RCAN1: variants seen among roughly 807,000 people sequenced by gnomAD.
RCAN1 encodes regulator of calcineurin 1.
In RCAN1, 11 loss-of-function variants were observed where a neutral mutation model predicts 22.9. That is an observed-to-expected ratio of 0.48 (90% CI 0.30 to 0.79). The LOEUF is 0.79. RCAN1 is among the 30% of genes least tolerant of loss of function. The probability of loss-of-function intolerance (pLI) is 0.06; values close to 1 mark genes in which losing one functional copy is unlikely to be tolerated. For synonymous variants in RCAN1, 136 were observed against 142.3 expected (o/e 0.96, Z 0.32); for missense variants, 291 against 337.8 (o/e 0.86, Z 1.09).
chr21:34,523,776 T>C (rs1341015426), intron 1 of RCAN1, 66 bp from the exon 2 acceptor site: 9 of 1,323,936 alleles, frequency 6.8e-6, no homozygotes, highest in Non-Finnish European at 8.4e-6. Flanking sequence ...GACTAGATGA[T>C]GTCATTACTT....
intron 1 of RCAN1, among the ~76,000 whole-genome samples, chr21:34,612,800 A>T (rs1465747290): frequency 1.3e-5 from 2 of 152,166 alleles, no homozygotes; most frequent in Non-Finnish European, 2.9e-5. Flanking sequence ...GCTGTTGCTC[A>T]TGGCTGCAGG....
chr21:34,532,047 G>A (rs991217104), intron 1 of RCAN1, among the ~76,000 whole-genome samples: 2 of 152,078 alleles, frequency 1.3e-5, no homozygotes, highest in South Asian at 2.1e-4. Flanking sequence ...GCTCAACTCC[G>A]AATACAGCAT....
intron 1 of RCAN1, among the ~76,000 whole-genome samples, chr21:34,569,577 C>T (rs1437979008): frequency 6.6e-6 from 1 of 152,052 alleles, no homozygotes; most frequent in East Asian, 1.9e-4. Flanking sequence ...GGAGTCACTG[C>T]CAGAGGCTAA....
intron 3 of RCAN1, among the ~76,000 whole-genome samples, chr21:34,520,138 C>G (rs1220323297): frequency 6.6e-6 from 1 of 152,198 alleles, no homozygotes; most frequent in East Asian, 1.9e-4. Context: ...AAATCTCACT[C>G]AAGCTCACTG....
At chr21:34,554,969 T>C (rs9985052) in intron 1 of RCAN1, among the ~76,000 whole-genome samples, 2,022 of 152,274 alleles carry the variant, frequency 0.013, 53 homozygotes, top group African/African-American at 0.045. Flanking sequence ...GATTCAATTA[T>C]CTCCCACTGG....
At position 34,517,191 on chromosome 21, in the gene RCAN1, C is replaced by T. The variant is rs1984101829; in HGVS notation, c.*893G>A. 1 of 152,230 alleles carries T rather than the reference C, an allele frequency of 6.6e-6. No homozygotes were observed. Among genetic ancestry groups the T allele is most frequent in the Non-Finnish European group, 1.5e-5 (1 of 68,040 alleles). The allele number at this position is 152,230 out of a possible 1,614,324, so 9.4% of individuals were successfully genotyped here. The stretch of plus-strand genomic sequence containing the variant: ...TCCAAAAAAGTTTTTGGCTATGATT[C>T]ATGTATAGAAACCACCACATAAAAG... On this transcript the variant is annotated 3_prime_UTR_variant, in exon 4 of 4. Transcript: ENST00000313806.
Position 34,614,746 on chromosome 21 carries a change from G to A in RCAN1, c.252+14C>T. On this transcript the variant is annotated intron_variant, in intron 1 of 3. Transcript: ENST00000313806. This position sits in a 1 kb window ranked among gnomAD's most constrained non-coding sequence, Gnocchi z 6.0. Reference sequence around the variant, plus strand: ...CGCCCTCCGCCCCGACGGCCCGCCCGGCGCGGTCCTCACCCGGCACAGGCC... The same window carrying A: ...CGCCCTCCGCCCCGACGGCCCGCCCAGCGCGGTCCTCACCCGGCACAGGCC... 1 of 1,411,818 alleles carries A rather than the reference G, an allele frequency of 7.1e-7. No homozygotes were observed. The highest frequency in any genetic ancestry group is 9.3e-7 in the Non-Finnish European group (1 of 1,076,344). 87.5% of individuals were successfully genotyped at this position (1,411,818 alleles called of 1,614,324 possible).
intron 1 of RCAN1, among the ~76,000 whole-genome samples, chr21:34,580,964 G>A (rs543519621): frequency 6.6e-6 from 1 of 152,174 alleles, no homozygotes; most frequent in African/African-American, 2.4e-5. Context: ...GGGGTGAGAA[G>A]GAAGAAGAGA....
chr21:34,560,707 T>C (rs1986757728), intron 1 of RCAN1, among the ~76,000 whole-genome samples: 2 of 152,076 alleles, frequency 1.3e-5, no homozygotes, highest in Non-Finnish European at 2.9e-5. Context: ...GTGTGAAAAA[T>C]TGGAAATATT....
intron 1 of RCAN1, chr21:34,559,903 A>C (rs1201186266): frequency 6.6e-6 from 1 of 152,122 alleles, no homozygotes; most frequent in Non-Finnish European, 1.5e-5. Context: ...TTTCTTCCTG[A>C]AGGTCTTTGA....
At chr21:34,609,053 T>C (rs1988616229) in intron 1 of RCAN1, among the ~76,000 whole-genome samples, 1 of 152,176 alleles carries the variant, frequency 6.6e-6, no homozygotes, top group African/African-American at 2.4e-5. Flanking sequence ...GTAAAGAATT[T>C]CTATGATGAT....
chr21:34,525,919 C>T (rs1404805652), intron 1 of RCAN1, among the ~76,000 whole-genome samples: 1 of 151,986 alleles, frequency 6.6e-6, no homozygotes, highest in Admixed American at 6.5e-5. Flanking sequence ...AAAAAGAAAC[C>T]TTCGCATGTC....
At chr21:34,530,577 C>A in intron 1 of RCAN1, among the ~76,000 whole-genome samples, 1 of 140,626 alleles carries the variant, frequency 7.1e-6, no homozygotes, top group Admixed American at 7.1e-5. Context: ...ATGACAGTTA[C>A]ATTTTATTTC....
At chr21:34,600,388 T>G (rs1231840682) in intron 1 of RCAN1, among the ~76,000 whole-genome samples, 1 of 152,150 alleles carries the variant, frequency 6.6e-6, no homozygotes. Flanking sequence ...GTGCTGAGGC[T>G]GGCTGGTGCA....
At chr21:34,531,196 A>T (rs181647205) in intron 1 of RCAN1, among the ~76,000 whole-genome samples, 10 of 152,328 alleles carry the variant, frequency 6.6e-5, no homozygotes, top group Admixed American at 5.2e-4. Flanking sequence ...AAAGCACATC[A>T]GTTGCCTTTC....
intron 1 of RCAN1, among the ~76,000 whole-genome samples, chr21:34,566,498 T>C (rs890268287): frequency 6.6e-6 from 1 of 151,998 alleles, no homozygotes; most frequent in Admixed American, 6.5e-5. Flanking sequence ...AGTCCCTCAC[T>C]GGAATGGACA....
chr21:34,559,515 T>C (rs949928484), intron 1 of RCAN1: 3 of 152,194 alleles, frequency 2.0e-5, no homozygotes, highest in African/African-American at 7.2e-5. Flanking sequence ...TTAAATGCCA[T>C]GCTCTGAAAT....
At position 34,538,901 on chromosome 21, in the gene RCAN1, G is replaced by A. The variant is rs536005173; in HGVS notation, c.253-15191C>T. 1.4e-3 allele frequency among the ~76,000 whole-genome samples: 214 copies of A among 152,218 alleles called. 3 individuals carry two copies. The highest frequency in any genetic ancestry group is 4.1e-4 in the Non-Finnish European group (28 of 68,014). On this transcript the variant is annotated intron_variant, in intron 1 of 3. Transcript: ENST00000313806. ...CACCGACCAGCTAACCGACCAACCC[G>A]CAAGGCCCAAGCTCAAGGAATTAGA... is the stretch of plus-strand genomic sequence containing the variant.
At chr21:34,576,778 A>G (rs886992915) in intron 1 of RCAN1, among the ~76,000 whole-genome samples, 7 of 152,254 alleles carry the variant, frequency 4.6e-5, no homozygotes, top group African/African-American at 1.7e-4. Context: ...ACAAACAAGC[A>G]GGTGGAAGAA....
Sources: gnomAD v4.1 joint callset for allele counts (sites outside exome capture counted in the v4.1 genomes callset) on GRCh38, gnomAD v4.1.1 for gene constraint, Gnocchi (gnomAD v3.1) non-coding constraint, MANE v1.5 for transcripts, NCBI Gene and HGNC (gene_info 2026-07-23, HGNC 2026-07-21) for gene names.